UCHL3: variants seen among roughly 807,000 people sequenced by gnomAD.
The protein encoded by UCHL3 is ubiquitin C-terminal hydrolase L3, also known as ubiquitin carboxyl-terminal hydrolase isozyme L3.
A neutral mutation model predicts 35.8 loss-of-function variants in UCHL3; 22 were observed. That is an observed-to-expected ratio of 0.61 (90% CI 0.44 to 0.88). The LOEUF (loss-of-function observed/expected upper bound fraction) is 0.88, where lower values mean the gene tolerates loss of function less well. Among genes scored for constraint, UCHL3 ranks in the 40% least tolerant of loss-of-function variants. The pLI is 0.00. For missense variants in UCHL3, 229 were observed against 276.9 expected (o/e 0.83, Z 1.23); for synonymous variants, 90 against 92.8 (o/e 0.97, Z 0.17).
chr13:75,603,999 A>T lies in UCHL3; in HGVS notation c.551-770A>T, dbSNP rs189789383. Among the ~76,000 whole-genome samples the T allele has an allele frequency of 7.8e-4, 119 of 152,048 alleles. No individual in the cohort carries two copies. The Middle Eastern group carries it at 0.01, about 13-fold the overall frequency. On this transcript the variant is annotated intron_variant, in intron 7 of 8. Transcript: ENST00000377595. ...TGTGTTGATTTTCATTCATTTTTTT[A>T]AAAAAAATCTAACAACCAAGTCTAT... is the stretch of plus-strand genomic sequence containing the variant.
intron 6 of UCHL3, among the ~76,000 whole-genome samples, chr13:75,590,451 C>G (rs1266414731): frequency 6.6e-6 from 1 of 152,154 alleles, no homozygotes; most frequent in African/African-American, 2.4e-5. Flanking sequence ...TACCCTTCAG[C>G]TTTCTGAATT....
At chr13:75,569,415 G>T (rs766778251) in intron 5 of UCHL3, 45 bp from the exon 6 acceptor site, 60 of 1,500,770 alleles carry the variant, frequency 4.0e-5, no homozygotes, top group Non-Finnish European at 5.3e-5. Flanking sequence ...TTAAAAAGTT[G>T]AGTATAGGCA....
intron 3 of UCHL3, among the ~76,000 whole-genome samples, chr13:75,561,285 T>C (rs1465551684): frequency 6.6e-6 from 1 of 152,194 alleles, no homozygotes; most frequent in Non-Finnish European, 1.5e-5. Flanking sequence ...AAATACAATC[T>C]TTAAGAACAA....
chr13:75,602,118 AAAAACAAAAAC>A (rs764115149), intron 7 of UCHL3, among the ~76,000 whole-genome samples: 122 of 148,254 alleles, frequency 8.2e-4, no homozygotes, highest in Non-Finnish European at 1.5e-3. Context: ...CAAAAAAAAC[AAAAACAAAAAC>A]AAAACAAAAA....
At chr13:75,595,045 T>G in intron 7 of UCHL3, 55 bp downstream of exon 7, 1 of 1,319,092 alleles carries the variant, frequency 7.6e-7, no homozygotes, top group Non-Finnish European at 1.0e-6. Context: ...GGAAAGTCTC[T>G]ACTTATGATA....
chr13:75,595,544 C>T (rs1324528799), intron 7 of UCHL3, among the ~76,000 whole-genome samples: 1 of 125,134 alleles, frequency 8.0e-6, no homozygotes, highest in African/African-American at 3.1e-5. Context: ...TTTCAGTGAG[C>T]CGAGATCGTG....
intron 6 of UCHL3, among the ~76,000 whole-genome samples, chr13:75,570,839 G>T (rs2031832548): frequency 1.3e-5 from 2 of 152,212 alleles, no homozygotes; most frequent in East Asian, 1.9e-4. Context: ...TTGAGCTCAG[G>T]ACTTCGAGGT....
chr13:75,550,720 G>GTTT (rs10581965), intron 2 of UCHL3, among the ~76,000 whole-genome samples: 1 of 138,418 alleles, frequency 7.2e-6, no homozygotes, highest in Admixed American at 7.2e-5. Flanking sequence ...ATTTTACCCT[G>GTTT]TTTTTTTTTT....
intron 6 of UCHL3, among the ~76,000 whole-genome samples, chr13:75,577,819 CT>C (rs1275240029): frequency 1.3e-5 from 2 of 152,170 alleles, no homozygotes; most frequent in Non-Finnish European, 2.9e-5. Flanking sequence ...TCAGACCCTA[CT>C]TTTACTTCAT....
intron 6 of UCHL3, among the ~76,000 whole-genome samples, chr13:75,594,309 C>G (rs1303995286): frequency 6.6e-6 from 1 of 151,982 alleles, no homozygotes; most frequent in Non-Finnish European, 1.5e-5. Context: ...ATCTTTTTTC[C>G]CTTCCTTTTA....
chr13:75,592,627 T>A (rs187172727), intron 6 of UCHL3, among the ~76,000 whole-genome samples: 1 of 151,104 alleles, frequency 6.6e-6, no homozygotes, highest in African/African-American at 2.4e-5. Context: ...AATTACAGAT[T>A]TTTAGACTCT....
At position 75,566,728 on chromosome 13, in the gene UCHL3, A is replaced by G; in HGVS notation, c.217A>G (p.Ile73Val). 6.2e-7 allele frequency: 1 copy of G among 1,600,468 alleles called. No individual in the cohort carries two copies. Among genetic ancestry groups the G allele is most frequent in the Non-Finnish European group, 8.5e-7 (1 of 1,174,034 alleles). Reference sequence around the variant, plus strand: ...ATTCAGAACAGAAGAGGAAGAAAAAATAAAATCTCAGGGACAAGATGTTAC... The same window carrying G: ...ATTCAGAACAGAAGAGGAAGAAAAAGTAAAATCTCAGGGACAAGATGTTAC... ...EVFRTEEEEK[I>V]KSQGQDVTSS... Residue 73 changes from isoleucine to valine, a missense_variant, in exon 4 of 9, where the codon ATA becomes GTA. Transcript: ENST00000377595.
chr13:75,604,366 T>C (rs77297479), intron 7 of UCHL3, among the ~76,000 whole-genome samples: 3,091 of 152,312 alleles, frequency 0.02, 52 homozygotes, highest in Non-Finnish European at 0.032. Flanking sequence ...CATGACAGTG[T>C]AGCTCCCTTT....
chr13:75,602,527 C>T (rs1236126492), intron 7 of UCHL3, among the ~76,000 whole-genome samples: 3 of 152,192 alleles, frequency 2.0e-5, no homozygotes, highest in African/African-American at 7.2e-5. Context: ...GTGACAGTCT[C>T]TGAGCCTCAT....
At chr13:75,589,932 A>G in intron 6 of UCHL3, 1 of 1,296,568 alleles carries the variant, frequency 7.7e-7, no homozygotes, top group Non-Finnish European at 1.0e-6. Flanking sequence ...TTTTTTAATT[A>G]TGTAGTCCTC....
chr13:75,569,329 CT>C (rs1367859056), intron 5 of UCHL3, 130 bp from the exon 6 acceptor site: 39 of 621,116 alleles, frequency 6.3e-5, no homozygotes, highest in Non-Finnish European at 1.0e-4. Context: ...TAGTACTAAG[CT>C]TTTCTTAAAT....
At chr13:75,557,308 C>T (rs2031326777) in intron 2 of UCHL3, among the ~76,000 whole-genome samples, 1 of 151,810 alleles carries the variant, frequency 6.6e-6, no homozygotes. Flanking sequence ...ACAAGGGTCT[C>T]AAAACATATT....
intron 7 of UCHL3, among the ~76,000 whole-genome samples, chr13:75,600,084 A>G (rs2032741314): frequency 6.6e-6 from 1 of 152,238 alleles, no homozygotes; most frequent in Admixed American, 6.5e-5. Context: ...CTTAAGCCTA[A>G]TCTGGAGCAA....
At chr13:75,603,862 G>A (rs1172652686) in intron 7 of UCHL3, among the ~76,000 whole-genome samples, 2 of 152,006 alleles carry the variant, frequency 1.3e-5, no homozygotes, top group East Asian at 1.9e-4. Flanking sequence ...TTAGGGATAA[G>A]TTTCTTTAGG....
Sources: gnomAD v4.1 joint callset for allele counts (sites outside exome capture counted in the v4.1 genomes callset) on GRCh38, gnomAD v4.1.1 for gene constraint, MANE v1.5 for transcripts, NCBI Gene and HGNC (gene_info 2026-07-23, HGNC 2026-07-21) for gene names.